Variants in FAAH2 observed in about 807,000 individuals in gnomAD.
FAAH2 encodes fatty-acid amide hydrolase 2.
In FAAH2, 60 loss-of-function variants were observed where a neutral mutation model predicts 36.9. That is an observed-to-expected ratio of 1.63 (90% CI 1.32 to 2.02). The LOEUF (loss-of-function observed/expected upper bound fraction) is 2.02, where lower values mean the gene tolerates loss of function less well. Ranked by LOEUF, FAAH2 falls within the 30% of genes most tolerant of loss-of-function variation. The pLI, the probability that FAAH2 is intolerant of heterozygous loss-of-function variation, is 0.00. For missense variants in FAAH2, 689 were observed against 397.5 expected, an observed-to-expected ratio of 1.73 and a Z score of -6.23; for synonymous variants, 214 against 143.8, an observed-to-expected ratio of 1.49 and a Z score of -3.49.
chrX:57,206,544 A>G, the FAAH2 span, among the ~76,000 whole-genome samples: 1 of 112,518 alleles, frequency 8.9e-6, no homozygotes, highest in South Asian at 3.7e-4. Flanking sequence ...AGTAGGTTCA[A>G]TTGCTTGCCC....
At chrX:57,356,313 G>T (rs890449621) in intron 5 of FAAH2, among the ~76,000 whole-genome samples, 1 of 110,382 alleles carries the variant, frequency 9.1e-6, no homozygotes, top group African/African-American at 3.3e-5. Flanking sequence ...ATTTTTGGAT[G>T]AATTTGAAGA....
chrX:57,216,073 T>C, the FAAH2 span, among the ~76,000 whole-genome samples: 1 of 108,061 alleles, frequency 9.3e-6, no homozygotes, highest in South Asian at 4.2e-4. Context: ...GAAACGAAAA[T>C]CCATTGGTGG....
chrX:57,129,828 G>A, the FAAH2 span, among the ~76,000 whole-genome samples: 1 of 112,004 alleles, frequency 8.9e-6, no homozygotes, highest in African/African-American at 3.2e-5. Context: ...TAGTCAGTCA[G>A]TGGCAGCCAG....
the FAAH2 span, chrX:57,135,740 G>A: frequency 3.9e-4 from 452 of 1,164,637 alleles, 1 homozygote; most frequent in South Asian, 1.4e-3. Flanking sequence ...TAAGCTTTCA[G>A]TACACTGAAA....
chrX:57,311,534 G>T (rs750880408), intron 3 of FAAH2, among the ~76,000 whole-genome samples: 2 of 111,797 alleles, frequency 1.8e-5, no homozygotes, highest in African/African-American at 6.5e-5. Flanking sequence ...AGCTTTTGGT[G>T]CTCTGGGCAG....
the FAAH2 span, among the ~76,000 whole-genome samples, chrX:57,215,989 A>G: frequency 9.3e-6 from 1 of 107,056 alleles, no homozygotes; most frequent in Non-Finnish European, 1.9e-5. Flanking sequence ...AACAACAATA[A>G]CAAAATGCTT....
chrX:57,425,803 A>G (rs901722487), intron 7 of FAAH2, among the ~76,000 whole-genome samples: 1 of 111,593 alleles, frequency 9.0e-6, no homozygotes, highest in African/African-American at 3.2e-5. Context: ...CGAAAAAACT[A>G]GATAACAATT....
intron 8 of FAAH2, among the ~76,000 whole-genome samples, chrX:57,438,847 C>T (rs1444823870): frequency 5.8e-5 from 6 of 103,381 alleles, no homozygotes; most frequent in Admixed American, 1.1e-4. Context: ...TGAGAACATG[C>T]GGTGTTTGGT....
the FAAH2 span, among the ~76,000 whole-genome samples, chrX:57,150,573 G>A: frequency 1.8e-5 from 2 of 111,677 alleles, no homozygotes; most frequent in Non-Finnish European, 3.8e-5. Flanking sequence ...TCAGAGACTA[G>A]GATTGCAACC....
intron 8 of FAAH2, among the ~76,000 whole-genome samples, chrX:57,439,433 A>C (rs1386025336): frequency 9.0e-6 from 1 of 111,474 alleles, no homozygotes; most frequent in Non-Finnish European, 1.9e-5. Context: ...TCCTTCGCCC[A>C]CTTTTTGATG....
At position 57,376,236 on chromosome X, in the gene FAAH2, G is replaced by T. The variant is rs1294305754; in HGVS notation, c.743-2415G>T. The stretch of plus-strand genomic sequence containing the variant: ...TGATAAGTCTTGTTACGTGTTCATC[G>T]ATATTATTAATCTTCTCCACAAATA... On this transcript the variant is annotated intron_variant, in intron 5 of 10. Coordinates refer to ENST00000374900, the MANE Select transcript of FAAH2 (RefSeq NM_174912.4). Among the ~76,000 whole-genome samples the T allele has an allele frequency of 2.7e-5, 3 of 109,906 alleles. 1 individual carries two copies. Among genetic ancestry groups the T allele is most frequent in the Non-Finnish European group, 5.7e-5 (3 of 52,642 alleles).
At chrX:57,299,978 A>C (rs1266414896) in intron 2 of FAAH2, among the ~76,000 whole-genome samples, 15 of 111,526 alleles carry the variant, frequency 1.3e-4, no homozygotes, top group East Asian at 2.8e-4. Context: ...AATGGAAGAA[A>C]ATTCCATGCT....
intron 6 of FAAH2, among the ~76,000 whole-genome samples, chrX:57,380,104 C>T (rs1205163127): frequency 1.8e-5 from 2 of 111,116 alleles, no homozygotes; most frequent in Non-Finnish European, 3.8e-5. Flanking sequence ...AGCATTTATC[C>T]TTTATGTTAT....
chrX:57,339,477 A>G (rs1347261469), intron 4 of FAAH2, among the ~76,000 whole-genome samples: 1 of 112,006 alleles, frequency 8.9e-6, no homozygotes, highest in African/African-American at 3.3e-5. Context: ...TGAACAGACA[A>G]CCTACAGAAT....
rs753823557 is a variant in FAAH2, at chrX:57,447,599, A to T, written c.1228+560A>T. Among the ~76,000 whole-genome samples, 3 of 112,145 alleles carry T rather than the reference A, an allele frequency of 2.7e-5. No homozygotes were observed. The South Asian group carries it at 1.1e-3, about 42-fold the overall frequency. ...ATCAATTCTTGATTTTTGTTCACCC[A>T]CAGGCCCAACACCACATGGAAGCCA... On this transcript the variant is annotated intron_variant, in intron 9 of 10. Transcript: ENST00000374900.
At chrX:57,460,116 T>C (rs1158250299) in intron 10 of FAAH2, among the ~76,000 whole-genome samples, 1 of 110,658 alleles carries the variant, frequency 9.0e-6, no homozygotes, top group Non-Finnish European at 1.9e-5. Context: ...GAAAAAAGAA[T>C]GAAAAGGAAT....
chrX:57,282,013 A>C (rs1228243001), upstream of FAAH2, among the ~76,000 whole-genome samples: 1 of 112,118 alleles, frequency 8.9e-6, no homozygotes, highest in African/African-American at 3.2e-5. Context: ...TATTGTGAAT[A>C]GGGCTGCAAA....
At chrX:57,420,332 T>C (rs1186900005) in intron 7 of FAAH2, among the ~76,000 whole-genome samples, 6 of 112,048 alleles carry the variant, frequency 5.4e-5, no homozygotes, top group Non-Finnish European at 7.5e-5. Context: ...TTTCATGATA[T>C]TGATTCTTCC....
At chrX:57,349,124 TAC>T (rs1360297390) in intron 5 of FAAH2, among the ~76,000 whole-genome samples, 6 of 93,517 alleles carry the variant, frequency 6.4e-5, no homozygotes, top group Non-Finnish European at 1.0e-4. Flanking sequence ...GTATAATATA[TAC>T]ACATATATAT....
Sources: gnomAD v4.1 joint callset for allele counts (sites outside exome capture counted in the v4.1 genomes callset) on GRCh38, gnomAD v4.1.1 for gene constraint, MANE v1.5 for transcripts, NCBI Gene and HGNC (gene_info 2026-07-23, HGNC 2026-07-21) for gene names.